The following TNRC6C variants were observed in gnomAD, a reference collection of about 807,000 sequenced individuals.
TNRC6C encodes trinucleotide repeat containing adaptor 6C.
Under a neutral mutation model 153.7 loss-of-function variants are expected in TNRC6C, and 20 were observed. The ratio of observed to expected loss-of-function variants is 0.13; its 90% CI spans 0.09 to 0.19. TNRC6C has a LOEUF of 0.19. TNRC6C is among the 10% of genes least tolerant of loss of function. The probability of loss-of-function intolerance (pLI) is 1.00; values close to 1 mark genes in which losing one functional copy is unlikely to be tolerated. For synonymous variants in TNRC6C, 811 were observed against 841.4 expected (o/e 0.96, Z 0.63); for missense variants, 1,987 against 2,172.0 (o/e 0.91, Z 1.69).
chr17:78,038,627 T>C (rs1331654778), intron 2 of TNRC6C, among the ~76,000 whole-genome samples: 1 of 142,438 alleles, frequency 7.0e-6, no homozygotes, highest in Non-Finnish European at 1.5e-5. Flanking sequence ...TGCAGTGAGC[T>C]GAGATGGTGC....
At chr17:78,020,109 A>T (rs1345696081) in intron 1 of TNRC6C, among the ~76,000 whole-genome samples, 1 of 152,138 alleles carries the variant, frequency 6.6e-6, no homozygotes, top group Non-Finnish European at 1.5e-5. Flanking sequence ...TATAAAAGAG[A>T]CCCAGAGGTG....
Position 78,087,064 on chromosome 17 carries a change from C to T in TNRC6C, c.3773C>T (p.Ser1258Leu), listed in dbSNP as rs2073307500. 4 of 1,613,822 alleles carry T rather than the reference C, an allele frequency of 2.5e-6. No homozygotes were observed. The East Asian group carries it at 6.7e-5, about 27-fold the overall frequency. The change falls in exon 13 of 20, where the codon TCA becomes TTA. Residue 1258 changes from serine (S) to leucine (L), a missense_variant. Ser to Leu is a moderately radical substitution (Grantham distance 145). Transcript: ENST00000301624. ...CTGCAGACCAAAGAGCAGCAGTCTT[C>T]ACCCAACACCTTTGCTCCTTACCCT...
Position 78,049,813 on chromosome 17 carries a change from C to A in TNRC6C, c.751C>A (p.Leu251Met), listed in dbSNP as rs1313999805. 1 of 1,609,398 alleles carries A rather than the reference C, an allele frequency of 6.2e-7. No homozygotes were observed. The highest frequency in any genetic ancestry group is 8.5e-7 in the Non-Finnish European group (1 of 1,177,036). The change falls in exon 3 of 20, where the codon CTG becomes ATG. Residue 251 changes from leucine (L) to methionine (M), a missense_variant. Transcript: ENST00000301624. This position sits in a 1 kb window ranked among gnomAD's most constrained non-coding sequence, Gnocchi z 4.1. ...AGGAATAAGCAATTCTGTGTGGGGA[C>A]TGTCCCCAGGTAACCCTGCCACAGG...
At chr17:78,086,567 T>G in exon 12 of TNRC6C, 1 of 1,613,954 alleles carries the variant, frequency 6.2e-7, no homozygotes, top group South Asian at 1.1e-5. Flanking sequence ...TCCGGATCCA[T>G]GAGACAACAG....
intron 1 of TNRC6C, among the ~76,000 whole-genome samples, chr17:77,961,209 G>A (rs1261787512): frequency 5.3e-5 from 8 of 150,214 alleles, no homozygotes; most frequent in South Asian, 2.1e-4. Context: ...AGGCTGGAGT[G>A]CAATGGCACG....
chr17:78,083,080 A>G (rs1380379088), exon 11 of TNRC6C: 1 of 1,613,880 alleles, frequency 6.2e-7, no homozygotes, highest in African/African-American at 1.3e-5. Flanking sequence ...TGCAGCAAAA[A>G]ACATTGGTCT....
intron 16 of TNRC6C, 66 bp from the exon 19 acceptor site, chr17:78,097,679 C>G: frequency 4.3e-6 from 5 of 1,162,728 alleles, no homozygotes; most frequent in Non-Finnish European, 6.0e-6. Context: ...TTCTCACACC[C>G]CACAGTTAGA....
intron 17 of TNRC6C, 45 bp downstream of exon 20, chr17:78,098,582 A>G: frequency 1.3e-6 from 2 of 1,573,716 alleles, no homozygotes; most frequent in Non-Finnish European, 1.7e-6. Flanking sequence ...CTTACCCTTT[A>G]GGGGATGTGC....
At chr17:78,034,991 G>A (rs1318379852) in intron 2 of TNRC6C, among the ~76,000 whole-genome samples, 2 of 152,046 alleles carry the variant, frequency 1.3e-5, no homozygotes, top group African/African-American at 2.4e-5. Flanking sequence ...CTATGACTAA[G>A]CAGAATGGGA....
intron 2 of TNRC6C, chr17:78,041,063 C>CA (rs1447015292): frequency 6.6e-6 from 1 of 152,268 alleles, no homozygotes; most frequent in Non-Finnish European, 1.5e-5. Context: ...GGCGTAGAGG[C>CA]AGCTGTGCAC....
intron 1 of TNRC6C, among the ~76,000 whole-genome samples, chr17:78,028,699 C>T (rs1332840035): frequency 6.6e-6 from 1 of 152,278 alleles, no homozygotes; most frequent in East Asian, 1.9e-4. Context: ...AACCACCCCC[C>T]AATGTTGACT....
upstream of TNRC6C, among the ~76,000 whole-genome samples, chr17:78,000,285 A>G (rs559382302): frequency 5.1e-4 from 77 of 152,308 alleles, no homozygotes; most frequent in African/African-American, 1.7e-3. Flanking sequence ...AGTATTAAAT[A>G]TAATTAAAGT....
chr17:78,035,144 C>T (rs9907255), intron 2 of TNRC6C, among the ~76,000 whole-genome samples: 122,711 of 152,116 alleles, frequency 0.81, 50,346 homozygotes, highest in East Asian at 0.99. Context: ...ACTCAGACAC[C>T]ATTCCAATGA....
intron 1 of TNRC6C, among the ~76,000 whole-genome samples, chr17:77,991,408 T>C (rs1329207202): frequency 6.6e-6 from 1 of 152,194 alleles, no homozygotes; most frequent in Non-Finnish European, 1.5e-5. Context: ...ATATCTTCAT[T>C]TTGAAAGAAG....
Position 78,063,333 on chromosome 17 carries a change from T to C in TNRC6C, c.2396-1389T>C, listed in dbSNP as rs148849683. ...TACACTTACTATTCATTAGGTGGAA[T>C]TGGATCATCATAAAGGTCTTCATCC... On this transcript the variant is annotated intron_variant, in intron 3 of 19. Transcript: ENST00000301624. Among the ~76,000 whole-genome samples, 309 of 151,450 alleles carry C rather than the reference T, an allele frequency of 2.0e-3. 2 individuals carry two copies. The highest frequency in any genetic ancestry group is 7.0e-3 in the African/African-American group (288 of 41,304).
chr17:78,067,843 G>A lies in TNRC6C; in HGVS notation c.2698G>A (p.Val900Met), dbSNP rs548936679. The change falls in exon 5 of 20, where the codon GTG (valine) becomes ATG (methionine). Residue 900 changes from valine to methionine, a missense_variant. Physicochemically the swap from Val to Met is conservative, Grantham distance 21. Around this residue, in one of 4 missense-constraint regions of TNRC6C, gnomAD observed 765 missense variants for 908.6 expected, o/e 0.84. Coordinates refer to ENST00000301624, the Ensembl canonical transcript of TNRC6C. The stretch of plus-strand genomic sequence containing the variant: ...CCAGTGGGAGGATGAAGAAGGGGAC[G>A]TGTGGAATAATGCTGCTTCCCAAGA... 351 of 1,613,958 alleles carry A rather than the reference G, an allele frequency of 2.2e-4. 7 individuals carry two copies. In the South Asian group the frequency reaches 3.3e-3, roughly 15 times the overall value.
At chr17:78,044,999 A>G (rs1051202027) in intron 2 of TNRC6C, among the ~76,000 whole-genome samples, 1 of 152,236 alleles carries the variant, frequency 6.6e-6, no homozygotes, top group African/African-American at 2.4e-5. Context: ...GGAGGGCAGG[A>G]CACAGATGGC....
intron 17 of TNRC6C, among the ~76,000 whole-genome samples, chr17:78,102,228 C>T (rs149415937): frequency 2.5e-3 from 380 of 152,282 alleles, no homozygotes; most frequent in Middle Eastern, 6.8e-3. Flanking sequence ...AAACACAGGC[C>T]TCCCGGGCTG....
rs1485381626 is a variant in TNRC6C, at chr17:78,075,928, G to A, written c.3060+650G>A. The stretch of plus-strand genomic sequence containing the variant: ...ACATTAAAAAAAAAAGATCAACAAT[G>A]GAAGGAGGCTGGGTGCGGTGGCTCA... On this transcript the variant is annotated intron_variant, in intron 8 of 19. Transcript: ENST00000301624. This position sits in a 1 kb window ranked among gnomAD's most constrained non-coding sequence, Gnocchi z 4.2. 2.6e-5 allele frequency among the ~76,000 whole-genome samples: 4 copies of A among 152,022 alleles called. No homozygotes were observed. Among genetic ancestry groups the A allele is most frequent in the African/African-American group, 9.7e-5 (4 of 41,414 alleles).
Sources: gnomAD v4.1 joint callset for allele counts (sites outside exome capture counted in the v4.1 genomes callset) on GRCh38, gnomAD v4.1.1 for gene constraint, gnomAD v4.1.1 regional missense constraint, Gnocchi (gnomAD v3.1) non-coding constraint, MANE v1.5 for transcripts, NCBI Gene and HGNC (gene_info 2026-07-23, HGNC 2026-07-21) for gene names.